SHANK1: variants seen among roughly 807,000 people sequenced by gnomAD.
SHANK1 encodes SH3 and multiple ankyrin repeat domains protein 1.
Under a neutral mutation model 165.6 loss-of-function variants are expected in SHANK1, and 35 were observed. That is an observed-to-expected ratio of 0.21 (90% confidence interval 0.16 to 0.28). The LOEUF (loss-of-function observed/expected upper bound fraction) is 0.28. Among genes scored for constraint, SHANK1 ranks in the 10% least tolerant of loss-of-function variants. The pLI is 1.00. For synonymous variants in SHANK1, 1,428 were observed against 1,384.8 expected, an observed-to-expected ratio of 1.03 and a Z score of -0.69; for missense variants, 2,681 against 3,036.4, an observed-to-expected ratio of 0.88 and a Z score of 2.75.
chr19:50,671,386 T>C (rs1985787568), intron 22 of SHANK1, among the ~76,000 whole-genome samples: 2 of 150,618 alleles, frequency 1.3e-5, no homozygotes, highest in South Asian at 4.2e-4. Flanking sequence ...GATTTTACCA[T>C]GTTAACCAGG....
intron 21 of SHANK1, among the ~76,000 whole-genome samples, chr19:50,679,786 A>T (rs1213653767): frequency 6.6e-6 from 1 of 152,154 alleles, no homozygotes; most frequent in Non-Finnish European, 1.5e-5. Flanking sequence ...AGACAGAGAC[A>T]GAGAGAGGGA....
chr19:50,702,906 C>G lies in SHANK1; in HGVS notation c.1554-246G>C, dbSNP rs537903078. ...CCCCCTCCCACGGTCCTGCGCGCAC[C>G]GCCTGATTCAGCTTCCTGAGGCTGA... On this transcript the variant is annotated intron_variant, in intron 11 of 23. Transcript: ENST00000293441. This position sits in a 1 kb window ranked among gnomAD's most constrained non-coding sequence, Gnocchi z 5.3. 6.6e-6 allele frequency among the ~76,000 whole-genome samples: 1 copy of G among 152,134 alleles called. No individual in the cohort carries two copies. Among genetic ancestry groups the G allele is most frequent in the African/African-American group, 2.4e-5 (1 of 41,416 alleles).
chr19:50,689,361 G>A (rs546911564), intron 15 of SHANK1, 82 bp from the exon 16 acceptor site: 20 of 1,030,088 alleles, frequency 1.9e-5, no homozygotes, highest in Middle Eastern at 4.0e-4. Flanking sequence ...TCCCCCACCC[G>A]GCAACCCAGA....
chr19:50,678,281 G>T (rs1002764640), intron 21 of SHANK1, among the ~76,000 whole-genome samples: 1 of 152,100 alleles, frequency 6.6e-6, no homozygotes, highest in African/African-American at 2.4e-5. Context: ...GGAGAAGGGG[G>T]TGTGACCAGT....
chr19:50,694,842 G>GGC (rs1986677453), intron 15 of SHANK1, among the ~76,000 whole-genome samples: 4 of 147,376 alleles, frequency 2.7e-5, no homozygotes, highest in Admixed American at 6.8e-5. Context: ...GGGGAGGGTC[G>GGC]CCACCGCGGG....
intron 9 of SHANK1, 114 bp from the exon 10 acceptor site, chr19:50,704,300 C>G: frequency 1.5e-6 from 2 of 1,317,956 alleles, no homozygotes; most frequent in Non-Finnish European, 2.2e-6. Flanking sequence ...GACAATGCCG[C>G]CCTCTGTCTT....
At position 50,662,505 on chromosome 19, in the gene SHANK1, G is replaced by A. The variant is rs769032999; in HGVS notation, c.5946C>T (p.His1982=). 64 of 1,559,248 alleles carry A rather than the reference G, an allele frequency of 4.1e-5. No homozygotes were observed. The highest frequency in any genetic ancestry group is 4.3e-6 in the Non-Finnish European group (5 of 1,151,776). Reference sequence around the variant, plus strand: ...GCATCTCGAACTCCACGCCCTGGAGGTGGCGGGTGGACGTGGAGGAGGAGG... The same window carrying A: ...GCATCTCGAACTCCACGCCCTGGAGATGGCGGGTGGACGTGGAGGAGGAGG... ...SASSSSTSTR[H]LQGVEFEMRP... The change falls in exon 24 of 24, where the codon CAC becomes CAT. Residue 1982 remains histidine, a synonymous_variant. Coordinates refer to ENST00000293441, the MANE Select transcript of SHANK1 (RefSeq NM_016148.5). This position sits in a 1 kb window ranked among gnomAD's most constrained non-coding sequence, Gnocchi z 7.7.
Position 50,668,897 on chromosome 19 carries a change from A to T in SHANK1, c.3063T>A (p.Pro1021=). 3 of 680,030 alleles carry T rather than the reference A, an allele frequency of 4.4e-6. No individual in the cohort carries two copies. Among genetic ancestry groups the T allele is most frequent in the Non-Finnish European group, 5.6e-6 (3 of 532,256 alleles). The allele number at this position is 680,030 out of a possible 1,614,324, so 42.1% of individuals were successfully genotyped here. A position where few individuals can be genotyped will look rare whatever the true frequency, so the allele number is the denominator to read the frequency against. The change falls in exon 23 of 24, where the codon CCT becomes CCA. Residue 1021 remains proline, a synonymous_variant. Transcript: ENST00000293441. ...PQPHHHHAHP[P]HPPEMETGGS... is the part of the protein sequence containing the mutation. ...CGCCTGTCTCCATCTCGGGAGGATG[A>T]GGGGGGTGGGCGTGGTGGTGGTGGG...
intron 21 of SHANK1, among the ~76,000 whole-genome samples, chr19:50,675,060 TCAAA>T (rs1985931629): frequency 3.6e-5 from 2 of 56,106 alleles, no homozygotes; most frequent in African/African-American, 2.2e-4. Context: ...ACACTCGGTC[TCAAA>T]AAAAAAAAAA....
Position 50,662,786 on chromosome 19 carries a change from A to C in SHANK1, c.5769-104T>G. 9.2e-6 allele frequency: 11 copies of C among 1,194,758 alleles called. No individual in the cohort carries two copies. The highest frequency in any genetic ancestry group is 1.4e-5 in the South Asian group (1 of 71,996). 74.0% of individuals were successfully genotyped at this position (1,194,758 alleles called of 1,614,324 possible). ...AAGATATAGGGAGAGAGGAGGAGAG[A>C]CATAAGGGTAGGGGGAGAGACGGAG... On this transcript the variant is annotated intron_variant, in intron 23 of 23. Coordinates refer to ENST00000293441, the MANE Select transcript of SHANK1 (RefSeq NM_016148.5). This position sits in a 1 kb window ranked among gnomAD's most constrained non-coding sequence, Gnocchi z 7.7.
chr19:50,667,374 G>A lies in SHANK1; in HGVS notation c.4586C>T (p.Pro1529Leu). Residue 1529 changes from proline to leucine, a missense_variant, in exon 23 of 24, where the codon CCC becomes CTC. Around this residue, in one of 10 missense-constraint regions of SHANK1, gnomAD observed 1,713 missense variants for 1,630.2 expected, o/e 1.05. Coordinates refer to ENST00000293441, the MANE Select transcript of SHANK1 (RefSeq NM_016148.5). This position sits in a 1 kb window ranked among gnomAD's most constrained non-coding sequence, Gnocchi z 5.7. ...PPPSPRRSVP[P>L]SPTSPRASEE... ...GCTGGCCCTCGGGGAGGTCGGGGAGGGGGGCACGGACCGGCGTGGGCTGGG... is the reference window on the plus strand; with the variant it reads ...GCTGGCCCTCGGGGAGGTCGGGGAGAGGGGCACGGACCGGCGTGGGCTGGG... The A allele has an allele frequency of 2.0e-6, 3 of 1,534,446 alleles. No individual in the cohort carries two copies. Among genetic ancestry groups the A allele is most frequent in the African/African-American group, 1.3e-5 (1 of 74,236 alleles).
intron 12 of SHANK1, among the ~76,000 whole-genome samples, chr19:50,701,366 T>C (rs931608939): frequency 7.0e-6 from 1 of 142,382 alleles, no homozygotes; most frequent in Non-Finnish European, 1.6e-5. Context: ...TTTTTTTTTG[T>C]ATTTTTAGTA....
chr19:50,659,380 T>C lies in SHANK1; in HGVS notation c.*2585A>G. ...GATGGGGGGTAGGAATGAACCCCCA[T>C]GTTATAATCCCGCGTCCCTAATCTT... On this transcript the variant is annotated 3_prime_UTR_variant, in exon 24 of 24. Coordinates refer to ENST00000293441, the MANE Select transcript of SHANK1 (RefSeq NM_016148.5). 2.8e-6 allele frequency: 1 copy of C among 357,976 alleles called. No homozygotes were observed. Among genetic ancestry groups the C allele is most frequent in the Non-Finnish European group, 5.0e-6 (1 of 201,082 alleles). The allele number at this position is 357,976 out of a possible 1,614,324, so 22.2% of individuals were successfully genotyped here.
Position 50,688,208 on chromosome 19 carries a change from C to G in SHANK1, c.2173-150G>C. 1.0e-6 allele frequency: 1 copy of G among 986,242 alleles called. No individual in the cohort carries two copies. Among genetic ancestry groups the G allele is most frequent in the Admixed American group, 2.4e-5 (1 of 40,850 alleles). 61.1% of individuals were successfully genotyped at this position (986,242 alleles called of 1,614,324 possible). On this transcript the variant is annotated intron_variant, in intron 17 of 23. Transcript: ENST00000293441. This position sits in a 1 kb window ranked among gnomAD's most constrained non-coding sequence, Gnocchi z 6.7. Reference sequence around the variant, plus strand: ...TCCCTCCGACCCTTCATACCACCGCCTCCCTGGGCAAGCCCCCTTTCCCAC... The same window carrying G: ...TCCCTCCGACCCTTCATACCACCGCGTCCCTGGGCAAGCCCCCTTTCCCAC...
intron 21 of SHANK1, among the ~76,000 whole-genome samples, chr19:50,673,862 C>T (rs1165799226): frequency 2.7e-5 from 4 of 149,302 alleles, no homozygotes; most frequent in Non-Finnish European, 4.4e-5. Flanking sequence ...GGCGTTAACA[C>T]GGCTCACTGC....
At position 50,704,185 on chromosome 19, in the gene SHANK1, A is replaced by T. The variant is rs2088907809; in HGVS notation, c.1157T>A (p.Val386Glu). 1 of 1,612,916 alleles carries T rather than the reference A, an allele frequency of 6.2e-7. No homozygotes were observed. Among genetic ancestry groups the T allele is most frequent in the Admixed American group, 1.7e-5 (1 of 59,910 alleles). The change falls in exon 10 of 24, where the codon GTG becomes GAG. Residue 386 changes from valine to glutamate, a missense_variant and splice_region_variant. Around this residue, in one of 10 missense-constraint regions of SHANK1, gnomAD observed 189 missense variants for 440.9 expected, o/e 0.43. Coordinates refer to ENST00000293441, the MANE Select transcript of SHANK1 (RefSeq NM_016148.5). ...KNNNGQTPFQVAVIAGNFELG... is the reference protein window; with the variant it reads ...KNNNGQTPFQEAVIAGNFELG... ...CTCAAAATTCCCAGCAATCACTGCCACCTGGAGGGAGGGGGTAGAGGCAGG... is the reference window on the plus strand; with the variant it reads ...CTCAAAATTCCCAGCAATCACTGCCTCCTGGAGGGAGGGGGTAGAGGCAGG...
chr19:50,671,119 A>C (rs1985775374), intron 22 of SHANK1, among the ~76,000 whole-genome samples: 1 of 135,080 alleles, frequency 7.4e-6, no homozygotes, highest in Admixed American at 7.7e-5. Flanking sequence ...TCAAACCTGC[A>C]CCCTGCCCCC....
Position 50,697,794 on chromosome 19 carries a change from A to G in SHANK1, c.1861+49T>C. 2 of 1,546,084 alleles carry G rather than the reference A, an allele frequency of 1.3e-6. No individual in the cohort carries two copies. The highest frequency in any genetic ancestry group is 1.8e-6 in the Non-Finnish European group (2 of 1,119,640). On this transcript the variant is annotated intron_variant, in intron 13 of 23. Transcript: ENST00000293441. This position sits in a 1 kb window ranked among gnomAD's most constrained non-coding sequence, Gnocchi z 4.7. ...CCCCATTAGGAAGGGAAAGGAGTGG[A>G]CGTGGGAATCCTAGGGTCCATTGAA...
At position 50,670,787 on chromosome 19, in the gene SHANK1, G is replaced by GTT. The variant is rs568070600; in HGVS notation, c.2674+1229_2674+1230dup. Reference sequence around the variant, plus strand: ...ACGATTCCCCACTTCATCTCTAGGTGTTTTTTTTTCTTTTCTTTTTTTTTG... The same window carrying GTT: ...ACGATTCCCCACTTCATCTCTAGGTGTTTTTTTTTTTCTTTTCTTTTTTTTTG... On this transcript the variant is annotated intron_variant, in intron 22 of 23. Transcript: ENST00000293441. The surrounding 1 kb of genome is among the most constrained non-coding windows in gnomAD (Gnocchi z 4.1). Among the ~76,000 whole-genome samples the GTT allele has an allele frequency of 1.7e-4, 25 of 150,968 alleles. No individual in the cohort carries two copies. Among genetic ancestry groups the GTT allele is most frequent in the African/African-American group, 6.1e-4 (25 of 41,092 alleles).
Sources: allele counts gnomAD v4.1 joint callset (sites outside exome capture counted in the v4.1 genomes callset), GRCh38; gene constraint gnomAD v4.1.1; regional missense constraint gnomAD v4.1.1; non-coding constraint Gnocchi (gnomAD v3.1); transcripts MANE v1.5; gene names NCBI Gene and HGNC (gene_info 2026-07-23, HGNC 2026-07-21).